Variants in PPP1R16B observed in about 807,000 individuals in gnomAD.
The protein encoded by PPP1R16B is protein phosphatase 1 regulatory inhibitor subunit 16B.
PPP1R16B carries 14 observed loss-of-function variants against 61.7 expected under a neutral mutation model. The observed-to-expected ratio is 0.23, with a 90% CI of 0.15 to 0.35. The LOEUF is 0.35. Among genes scored for constraint, PPP1R16B ranks in the 10% least tolerant of loss-of-function variants. The pLI is 1.00. For synonymous variants in PPP1R16B, 266 were observed against 305.3 expected, an observed-to-expected ratio of 0.87 and a Z score of 1.34; for missense variants, 547 against 752.5, an observed-to-expected ratio of 0.73 and a Z score of 3.19.
At chr20:38,903,937 A>C (rs1236180332) in intron 6 of PPP1R16B, among the ~76,000 whole-genome samples, 1 of 152,154 alleles carries the variant, frequency 6.6e-6, no homozygotes, top group Non-Finnish European at 1.5e-5. Flanking sequence ...TCCCAGGCTT[A>C]GGTTCCACGC....
chr20:38,893,246 C>T (rs778309839), intron 3 of PPP1R16B, among the ~76,000 whole-genome samples: 16 of 152,206 alleles, frequency 1.1e-4, no homozygotes, highest in Admixed American at 7.2e-4. Flanking sequence ...CTGTTGCTGC[C>T]GGGGCTGTTG....
chr20:38,825,898 G>A (rs1314775997), intron 1 of PPP1R16B, among the ~76,000 whole-genome samples: 1 of 152,192 alleles, frequency 6.6e-6, no homozygotes, highest in East Asian at 1.9e-4. Context: ...CTTCAGCCAT[G>A]GCAGGCTTTG....
intron 1 of PPP1R16B, among the ~76,000 whole-genome samples, chr20:38,828,185 C>T (rs2084815643): frequency 6.6e-6 from 1 of 152,202 alleles, no homozygotes; most frequent in Non-Finnish European, 1.5e-5. Context: ...CCGACTGCTC[C>T]CCCAGAATTA....
At chr20:38,862,522 A>G (rs1026140294) in intron 2 of PPP1R16B, among the ~76,000 whole-genome samples, 26 of 152,210 alleles carry the variant, frequency 1.7e-4, no homozygotes, top group Admixed American at 8.5e-4. Context: ...TGTAGAGAGA[A>G]TATAGCTAGT....
intron 6 of PPP1R16B, among the ~76,000 whole-genome samples, chr20:38,903,794 C>G (rs2145775974): frequency 6.6e-6 from 1 of 152,346 alleles, no homozygotes. Flanking sequence ...GAAAACCTCC[C>G]TGGCCACTCC....
chr20:38,830,873 A>G (rs1317757212), intron 1 of PPP1R16B, among the ~76,000 whole-genome samples: 1 of 152,202 alleles, frequency 6.6e-6, no homozygotes, highest in African/African-American at 2.4e-5. Context: ...TTTGAAAGGG[A>G]TAAAGTGCTG....
In PPP1R16B at chr20:38,916,564, A is replaced by G. The variant is rs534327243; in HGVS notation, c.1195-1593A>G. Among the ~76,000 whole-genome samples the G allele has an allele frequency of 5.9e-5, 9 of 152,084 alleles. No individual in the cohort carries two copies. In the South Asian group the frequency reaches 6.2e-4, roughly 11 times the overall value. ...CTGGCCACAGTGTCCTGCTTGCCCAATGATGACTTTCAGGCTTTGCACTAA... is the reference window on the plus strand; with the variant it reads ...CTGGCCACAGTGTCCTGCTTGCCCAGTGATGACTTTCAGGCTTTGCACTAA... On this transcript the variant is annotated intron_variant, in intron 10 of 10. Coordinates refer to ENST00000299824, the MANE Select transcript of PPP1R16B (RefSeq NM_015568.4).
rs1473085387 is a variant in PPP1R16B, at chr20:38,920,996, C to A, written c.*2330C>A. ...CTGTTTAGGTTTTCCGATCTTTTTGCTCAGGGGCCAAACACTGAAGGCACG... is the reference window on the plus strand; with the variant it reads ...CTGTTTAGGTTTTCCGATCTTTTTGATCAGGGGCCAAACACTGAAGGCACG... On this transcript the variant is annotated 3_prime_UTR_variant, in exon 11 of 11. Transcript: ENST00000299824. The A allele has an allele frequency of 1.3e-5, 2 of 152,230 alleles. No individual in the cohort carries two copies. Among genetic ancestry groups the A allele is most frequent in the African/African-American group, 4.8e-5 (2 of 41,450 alleles). The allele number at this position is 152,230 out of a possible 1,614,324, so 9.4% of individuals were successfully genotyped here.
rs112666538 is a variant in PPP1R16B, at chr20:38,918,860, C to T, written c.*194C>T. 1,360 of 591,214 alleles carry T rather than the reference C, an allele frequency of 2.3e-3. 8 individuals are homozygous for T. The African/African-American group carries it at 0.023, about 10-fold the overall frequency. The allele number at this position is 591,214 out of a possible 1,614,324, so 36.6% of individuals were successfully genotyped here. A position where few individuals can be genotyped will look rare whatever the true frequency, so the allele number is the denominator to read the frequency against. ...CCACGTCCCGTGGTTCTGCTTCCTG[C>T]TGCATCGTCTGCCATCTGACACAAG... is the stretch of plus-strand genomic sequence containing the variant. On this transcript the variant is annotated 3_prime_UTR_variant, in exon 11 of 11. Coordinates refer to ENST00000299824, the MANE Select transcript of PPP1R16B (RefSeq NM_015568.4). The surrounding 1 kb of genome is among the most constrained non-coding windows in gnomAD (Gnocchi z 5.3).
intron 2 of PPP1R16B, among the ~76,000 whole-genome samples, chr20:38,862,570 A>G (rs1443162689): frequency 6.6e-6 from 1 of 152,242 alleles, no homozygotes; most frequent in Non-Finnish European, 1.5e-5. Flanking sequence ...AGACTCAGAA[A>G]TAAAATCACT....
chr20:38,865,933 G>A (rs2085087494), intron 2 of PPP1R16B, among the ~76,000 whole-genome samples: 1 of 152,040 alleles, frequency 6.6e-6, no homozygotes, highest in Non-Finnish European at 1.5e-5. Context: ...AGACCAGCCT[G>A]GCCAACATGG....
intron 2 of PPP1R16B, among the ~76,000 whole-genome samples, chr20:38,884,182 G>A (rs1430596139): frequency 1.3e-5 from 2 of 152,250 alleles, no homozygotes; most frequent in African/African-American, 4.8e-5. Flanking sequence ...AGCAAGAGAT[G>A]AGCCGGGAGA....
chr20:38,888,627 C>A (rs2085264772), intron 2 of PPP1R16B, among the ~76,000 whole-genome samples: 1 of 152,106 alleles, frequency 6.6e-6, no homozygotes, highest in African/African-American at 2.4e-5. Context: ...CCTGAGATCA[C>A]CCTGCCAAAG....
intron 3 of PPP1R16B, among the ~76,000 whole-genome samples, chr20:38,892,234 C>G (rs1601294722): frequency 1.3e-5 from 2 of 152,216 alleles, no homozygotes; most frequent in African/African-American, 4.8e-5. Flanking sequence ...CTTTTTTTAG[C>G]TTGGGGTTCC....
At chr20:38,894,321 C>T (rs1054384169) in intron 3 of PPP1R16B, among the ~76,000 whole-genome samples, 1 of 152,126 alleles carries the variant, frequency 6.6e-6, no homozygotes, top group African/African-American at 2.4e-5. Context: ...CTTCCACGGC[C>T]GCTCCTGCTC....
chr20:38,895,942 T>C (rs1180972962), intron 4 of PPP1R16B, among the ~76,000 whole-genome samples: 246 of 65,762 alleles, frequency 3.7e-3, no homozygotes, highest in Admixed American at 4.8e-3. Flanking sequence ...CCTTCTTTCT[T>C]CCCTCCCTCC....
At chr20:38,905,695 C>T in intron 6 of PPP1R16B, among the ~76,000 whole-genome samples, 1 of 152,182 alleles carries the variant, frequency 6.6e-6, no homozygotes, top group South Asian at 2.1e-4. Flanking sequence ...CTTCAGGGCT[C>T]AATGCACAGT....
chr20:38,824,623 C>T (rs1056205893), intron 1 of PPP1R16B, among the ~76,000 whole-genome samples: 1 of 152,196 alleles, frequency 6.6e-6, no homozygotes, highest in African/African-American at 2.4e-5. Flanking sequence ...TTCTTTTGTC[C>T]CCCAGGGTAG....
chr20:38,829,849 A>G (rs2084826337), intron 1 of PPP1R16B, among the ~76,000 whole-genome samples: 2 of 152,210 alleles, frequency 1.3e-5, no homozygotes, highest in Admixed American at 1.3e-4. Context: ...AAACTAGGTC[A>G]CCTGAAAACC....
Sources: gnomAD v4.1 joint callset for allele counts (sites outside exome capture counted in the v4.1 genomes callset) on GRCh38, gnomAD v4.1.1 for gene constraint, Gnocchi (gnomAD v3.1) non-coding constraint, MANE v1.5 for transcripts, NCBI Gene and HGNC (gene_info 2026-07-23, HGNC 2026-07-21) for gene names.